The following PRDM1 variants were observed in gnomAD, a reference collection of about 807,000 sequenced individuals.
PRDM1 encodes PR domain zinc finger protein 1.
PRDM1 carries 13 observed loss-of-function variants against 62.8 expected under a neutral mutation model. The ratio of observed to expected loss-of-function variants is 0.21; its 90% CI spans 0.13 to 0.33. The LOEUF (loss-of-function observed/expected upper bound fraction) is 0.33, where lower values mean the gene tolerates loss of function less well. PRDM1 is among the 10% of genes least tolerant of loss of function. The probability of loss-of-function intolerance (pLI) is 1.00; values close to 1 mark genes in which losing one functional copy is unlikely to be tolerated. For synonymous variants in PRDM1, 396 were observed against 417.6 expected (o/e 0.95, Z 0.63); for missense variants, 895 against 1,058.8 (o/e 0.85, Z 2.15).
At chr6:106,095,373 A>G (rs943382671) in intron 2 of PRDM1, among the ~76,000 whole-genome samples, 5 of 152,228 alleles carry the variant, frequency 3.3e-5, no homozygotes, top group African/African-American at 9.6e-5. Flanking sequence ...TTACCAGACA[A>G]TAATCCCCTA....
chr6:106,028,892 T>A (rs1305173526), intron 1 of PRDM1, among the ~76,000 whole-genome samples: 1 of 152,084 alleles, frequency 6.6e-6, no homozygotes, highest in Non-Finnish European at 1.5e-5. Context: ...TGTAAATATA[T>A]TTCCCTATGT....
intron 1 of PRDM1, among the ~76,000 whole-genome samples, chr6:106,011,160 A>G (rs1364250086): frequency 1.3e-5 from 2 of 152,042 alleles, no homozygotes; most frequent in African/African-American, 4.8e-5. Flanking sequence ...TAGCTTTTCT[A>G]TTTTAAAGAA....
At chr6:106,008,237 G>T (rs947334660) in intron 1 of PRDM1, among the ~76,000 whole-genome samples, 1 of 152,180 alleles carries the variant, frequency 6.6e-6, no homozygotes, top group Non-Finnish European at 1.5e-5. Flanking sequence ...GCTGGGCGTG[G>T]TGGCGCGCGC....
At chr6:106,038,012 G>GTTTTTTTTTTTTTTTTTTTTTTTT (rs1302119750) in intron 1 of PRDM1, among the ~76,000 whole-genome samples, 1 of 20,524 alleles carries the variant, frequency 4.9e-5, no homozygotes, top group Non-Finnish European at 9.3e-5. Context: ...TGCTATTTTT[G>GTTTTTTTTTTTTTTTTTTTTTTTT]TCTTTTTTTT....
chr6:106,012,125 A>T (rs1381466448), intron 1 of PRDM1, among the ~76,000 whole-genome samples: 1 of 143,382 alleles, frequency 7.0e-6, no homozygotes, highest in African/African-American at 2.6e-5. Context: ...ATACACACAC[A>T]CACAAACATA....
At position 106,086,367 on chromosome 6, in the gene PRDM1, C is replaced by G. The variant is rs1173624597; in HGVS notation, c.-187C>G. 3.7e-6 allele frequency: 2 copies of G among 545,488 alleles called. No individual in the cohort carries two copies. The highest frequency in any genetic ancestry group is 6.6e-6 in the Non-Finnish European group (2 of 302,670). The allele number at this position is 545,488 out of a possible 1,614,324, so 33.8% of individuals were successfully genotyped here. A position where few individuals can be genotyped will look rare whatever the true frequency, so the allele number is the denominator to read the frequency against. On this transcript the variant is annotated 5_prime_UTR_variant, in exon 1 of 7. Coordinates refer to ENST00000369096, the MANE Select transcript of PRDM1 (RefSeq NM_001198.4). ...GACAAAGTGCTGCCGTGACACTCGG[C>G]CCTCCAGTGTTGCGGAGAGGCAAGA...
At chr6:106,085,624 C>T (rs1340272391), upstream of PRDM1, among the ~76,000 whole-genome samples, 1 of 152,186 alleles carries the variant, frequency 6.6e-6, no homozygotes, top group Non-Finnish European at 1.5e-5. Context: ...TTTCCACTTG[C>T]AGTGATCAGT....
At chr6:106,067,577 A>G (rs1407492486) in intron 1 of PRDM1, among the ~76,000 whole-genome samples, 2 of 152,248 alleles carry the variant, frequency 1.3e-5, no homozygotes, top group African/African-American at 4.8e-5. Context: ...CTACATGTGG[A>G]TGAACCCTGA....
At chr6:106,025,315 G>A (rs750406204) in intron 1 of PRDM1, among the ~76,000 whole-genome samples, 24 of 152,104 alleles carry the variant, frequency 1.6e-4, no homozygotes, top group Admixed American at 3.3e-4. Flanking sequence ...ATTAGTTAAC[G>A]TTTATGCCAT....
At chr6:106,049,235 G>GC (rs1773132477) in intron 1 of PRDM1, among the ~76,000 whole-genome samples, 1 of 152,162 alleles carries the variant, frequency 6.6e-6, no homozygotes, top group Non-Finnish European at 1.5e-5. Context: ...CAAACTACTT[G>GC]CAGCTCCCAA....
At chr6:106,072,897 A>G (rs1319898029) in intron 1 of PRDM1, among the ~76,000 whole-genome samples, 1 of 152,160 alleles carries the variant, frequency 6.6e-6, no homozygotes, top group Non-Finnish European at 1.5e-5. Flanking sequence ...TATGTTGTGT[A>G]CAGATTTGAC....
At chr6:106,000,471 TA>T (rs1197615339) in intron 1 of PRDM1, among the ~76,000 whole-genome samples, 1 of 152,032 alleles carries the variant, frequency 6.6e-6, no homozygotes, top group Non-Finnish European at 1.5e-5. Context: ...AAAAATAAAA[TA>T]AAAAATTAAA....
chr6:106,105,085 T>C lies in PRDM1; in HGVS notation c.925T>C (p.Phe309Leu). ...CATCCGGGCCCCTCTGCCAGAAGAC[T>C]TTTTGAAAGCTTCCCTGGCCTACGG... ...YPIRAPLPED[F>L]LKASLAYGIE... Residue 309 changes from phenylalanine to leucine, a missense_variant, in exon 5 of 7, where the codon TTT becomes CTT. This residue lies in a region of PRDM1 where 444 missense variants were observed against 422.7 expected (regional missense o/e 1.05). Transcript: ENST00000369096. 6.2e-7 allele frequency: 1 copy of C among 1,614,134 alleles called. No individual in the cohort carries two copies. The highest frequency in any genetic ancestry group is 8.5e-7 in the Non-Finnish European group (1 of 1,180,014).
intron 2 of PRDM1, among the ~76,000 whole-genome samples, chr6:106,093,066 G>A (rs1389003526): frequency 6.6e-6 from 1 of 152,160 alleles, no homozygotes; most frequent in Non-Finnish European, 1.5e-5. Context: ...TTCTACCACA[G>A]AGCCTTCTCT....
At chr6:106,041,888 T>C (rs1039639933) in intron 1 of PRDM1, among the ~76,000 whole-genome samples, 7 of 149,442 alleles carry the variant, frequency 4.7e-5, no homozygotes, top group East Asian at 4.0e-4. Flanking sequence ...GCTGACTGCA[T>C]CCTCCACCTC....
At position 106,106,059 on chromosome 6, in the gene PRDM1, A is replaced by G. The variant is rs1263256514; in HGVS notation, c.1773+126A>G. 1.2e-5 allele frequency: 16 copies of G among 1,391,170 alleles called. 1 individual carries two copies. In the South Asian group the frequency reaches 2.1e-4, roughly 19 times the overall value. 86.2% of individuals were successfully genotyped at this position (1,391,170 alleles called of 1,614,324 possible). A position where few individuals can be genotyped will look rare whatever the true frequency, so the allele number is the denominator to read the frequency against. On this transcript the variant is annotated intron_variant, in intron 5 of 6. Transcript: ENST00000369096. The surrounding 1 kb of genome is among the most constrained non-coding windows in gnomAD (Gnocchi z 4.4). Reference sequence around the variant, plus strand: ...GAGCCCCCGGTTGGGGATAGTGGGTATGGATTCCGCCTGGCTTTTGCCACT... The same window carrying G: ...GAGCCCCCGGTTGGGGATAGTGGGTGTGGATTCCGCCTGGCTTTTGCCACT...
chr6:106,018,144 G>A (rs575976921), intron 1 of PRDM1, among the ~76,000 whole-genome samples: 1 of 151,696 alleles, frequency 6.6e-6, no homozygotes, highest in South Asian at 2.1e-4. Context: ...GATTTTTTGA[G>A]GGCTATTTCC....
At chr6:106,095,840 TCACCCATAAGTATCCAG>T in intron 3 of PRDM1, 106 bp downstream of exon 3, 1 of 1,283,850 alleles carries the variant, frequency 7.8e-7, no homozygotes, top group African/African-American at 1.5e-5. Flanking sequence ...ATGCTGGGGC[TCACCCATAAGTATCCAG>T]CATCCCCATG....
At chr6:106,059,095 ACAC>A (rs1225592339) in intron 1 of PRDM1, among the ~76,000 whole-genome samples, 1 of 152,186 alleles carries the variant, frequency 6.6e-6, no homozygotes, top group Non-Finnish European at 1.5e-5. Flanking sequence ...CACAGACAAA[ACAC>A]CACAAGACCC....
Sources: gnomAD v4.1 joint callset for allele counts (sites outside exome capture counted in the v4.1 genomes callset) on GRCh38, gnomAD v4.1.1 for gene constraint, gnomAD v4.1.1 regional missense constraint, Gnocchi (gnomAD v3.1) non-coding constraint, MANE v1.5 for transcripts, NCBI Gene and HGNC (gene_info 2026-07-23, HGNC 2026-07-21) for gene names.